POU2F3: variants seen among roughly 807,000 people sequenced by gnomAD.
POU2F3 encodes the protein POU class 2 homeobox 3, also known as POU domain, class 2, transcription factor 3.
A neutral mutation model predicts 59.2 loss-of-function variants in POU2F3; 23 were observed. That is an observed-to-expected ratio of 0.39 (90% CI 0.28 to 0.55). POU2F3 has a LOEUF of 0.55. POU2F3 is among the 20% of genes least tolerant of loss of function. The probability of loss-of-function intolerance (pLI) is 0.66; values close to 1 mark genes in which losing one functional copy is unlikely to be tolerated. For missense variants in POU2F3, 473 were observed against 544.5 expected (o/e 0.87, Z 1.31); for synonymous variants, 190 against 214.6 (o/e 0.89, Z 1.00).
chr11:120,288,906 T>C (rs1352656430), intron 3 of POU2F3, among the ~76,000 whole-genome samples: 1 of 152,178 alleles, frequency 6.6e-6, no homozygotes, highest in Non-Finnish European at 1.5e-5. Flanking sequence ...TAATGTACCT[T>C]TAAACCTCTC....
At chr11:120,299,580 C>T in intron 4 of POU2F3, 44 bp from the exon 5 acceptor site, 2 of 1,567,944 alleles carry the variant, frequency 1.3e-6, no homozygotes, top group Non-Finnish European at 1.7e-6. Context: ...CTGATGTCCC[C>T]AGCTTGTAAA....
chr11:120,241,174 G>C (rs1302355694), intron 1 of POU2F3, among the ~76,000 whole-genome samples: 1 of 152,208 alleles, frequency 6.6e-6, no homozygotes, highest in African/African-American at 2.4e-5. Context: ...GAGGTCACAG[G>C]GCCTGAGCAA....
At chr11:120,248,045 G>T (rs898940184) in intron 2 of POU2F3, among the ~76,000 whole-genome samples, 2 of 152,220 alleles carry the variant, frequency 1.3e-5, no homozygotes, top group Non-Finnish European at 2.9e-5. Flanking sequence ...AAGGGAGGGA[G>T]TTCAAATCCT....
intron 11 of POU2F3, 70 bp from the exon 12 acceptor site, chr11:120,317,159 G>T: frequency 1.9e-6 from 3 of 1,570,726 alleles, no homozygotes; most frequent in Non-Finnish European, 2.6e-6. Flanking sequence ...GTGTCTGAGG[G>T]GCTATGTCCC....
At chr11:120,248,673 C>T (rs998742414) in intron 2 of POU2F3, among the ~76,000 whole-genome samples, 1 of 152,204 alleles carries the variant, frequency 6.6e-6, no homozygotes, top group Non-Finnish European at 1.5e-5. Flanking sequence ...AGATCTTTCA[C>T]TTCAGGGCTC....
At chr11:120,271,909 T>G (rs1940095899) in intron 3 of POU2F3, among the ~76,000 whole-genome samples, 1 of 152,022 alleles carries the variant, frequency 6.6e-6, no homozygotes, top group African/African-American at 2.4e-5. Context: ...GTGGAGGGAA[T>G]TTTGGAGGAA....
At chr11:120,238,927 A>G (rs192781601), upstream of POU2F3, among the ~76,000 whole-genome samples, 7 of 152,024 alleles carry the variant, frequency 4.6e-5, no homozygotes, top group Non-Finnish European at 8.8e-5. Flanking sequence ...AGTACAATGT[A>G]CAGGTTTTGA....
chr11:120,282,045 C>G (rs763166954), intron 3 of POU2F3, among the ~76,000 whole-genome samples: 5 of 152,186 alleles, frequency 3.3e-5, no homozygotes, highest in Non-Finnish European at 7.3e-5. Flanking sequence ...CTCCAGTTCA[C>G]CCCTTCTTCT....
chr11:120,280,614 C>G (rs1328196963), intron 3 of POU2F3, among the ~76,000 whole-genome samples: 1 of 148,622 alleles, frequency 6.7e-6, no homozygotes, highest in Non-Finnish European at 1.5e-5. Flanking sequence ...AGAGGACAGA[C>G]AGAGAGAGAG....
chr11:120,236,760 T>G (rs189504040), upstream of POU2F3: 37 of 1,401,768 alleles, frequency 2.6e-5, no homozygotes, highest in Non-Finnish European at 3.2e-5. Flanking sequence ...AAATGATCAG[T>G]GAGCAAGTCT....
intron 3 of POU2F3, among the ~76,000 whole-genome samples, chr11:120,287,389 T>C (rs1940821624): frequency 1.3e-5 from 2 of 152,214 alleles, no homozygotes; most frequent in Admixed American, 1.3e-4. Context: ...GGGCAGGCCA[T>C]AGTAAGCAAG....
At chr11:120,278,293 G>A (rs1214626632) in intron 3 of POU2F3, among the ~76,000 whole-genome samples, 2 of 152,144 alleles carry the variant, frequency 1.3e-5, no homozygotes, top group African/African-American at 4.8e-5. Context: ...AAGATGTCTA[G>A]AGTACCTGCC....
chr11:120,311,233 G>T (rs1222087548), intron 10 of POU2F3, among the ~76,000 whole-genome samples: 1 of 152,186 alleles, frequency 6.6e-6, no homozygotes, highest in Non-Finnish European at 1.5e-5. Context: ...AATCACTGAA[G>T]GATTTTCATA....
Position 120,305,626 on chromosome 11 carries a change from C to A in POU2F3, c.628-18C>A, listed in dbSNP as rs535267390. 1.3e-5 allele frequency: 21 copies of A among 1,612,676 alleles called. No homozygotes were observed. The highest frequency in any genetic ancestry group is 2.2e-5 in the East Asian group (1 of 44,854). ...GAGGCTGCCTCTCATGTTCCTCCCC[C>A]TCGGTCCCCACGCTTAGGGAGATGT... On this transcript the variant is annotated intron_variant, in intron 7 of 12. Transcript: ENST00000543440.
At chr11:120,257,723 C>T (rs1939405870) in intron 2 of POU2F3, among the ~76,000 whole-genome samples, 1 of 152,160 alleles carries the variant, frequency 6.6e-6, no homozygotes, top group African/African-American at 2.4e-5. Context: ...TCAGTGGTAA[C>T]ACAGGATTTC....
At position 120,318,543 on chromosome 11, in the gene POU2F3, A is replaced by G; in HGVS notation, c.*151A>G. 2 of 759,396 alleles carry G rather than the reference A, an allele frequency of 2.6e-6. No individual in the cohort carries two copies. The highest frequency in any genetic ancestry group is 4.3e-6 in the Non-Finnish European group (2 of 459,820). The allele number at this position is 759,396 out of a possible 1,614,324, so 47.0% of individuals were successfully genotyped here. On this transcript the variant is annotated 3_prime_UTR_variant, in exon 13 of 13. Coordinates refer to ENST00000543440, the MANE Select transcript of POU2F3 (RefSeq NM_014352.4). Reference sequence around the variant, plus strand: ...CAGACTCTTGTCTTCTTCAAGAGCAAGGGCCTCCGGAGATCCAAACTGTGA... The same window carrying G: ...CAGACTCTTGTCTTCTTCAAGAGCAGGGGCCTCCGGAGATCCAAACTGTGA...
chr11:120,252,451 G>T (rs1939148329), intron 2 of POU2F3, among the ~76,000 whole-genome samples: 1 of 151,466 alleles, frequency 6.6e-6, no homozygotes, highest in African/African-American at 2.4e-5. Flanking sequence ...CAAGTGATTT[G>T]CCTGCATCGG....
chr11:120,236,846 C>G, upstream of POU2F3: 2 of 777,098 alleles, frequency 2.6e-6, no homozygotes, highest in Non-Finnish European at 4.2e-6. Flanking sequence ...GGCACCCCAG[C>G]CTTCTAAGCC....
At chr11:120,248,986 C>T (rs1414949079) in intron 2 of POU2F3, among the ~76,000 whole-genome samples, 2 of 152,210 alleles carry the variant, frequency 1.3e-5, no homozygotes, top group Admixed American at 6.5e-5. Flanking sequence ...TCCCTGAAAG[C>T]ACCCCCTGTG....
Sources: gnomAD v4.1 joint callset for allele counts (sites outside exome capture counted in the v4.1 genomes callset) on GRCh38, gnomAD v4.1.1 for gene constraint, MANE v1.5 for transcripts, NCBI Gene and HGNC (gene_info 2026-07-23, HGNC 2026-07-21) for gene names.